The following NCAPD2 variants were observed in gnomAD, a reference collection of about 807,000 sequenced individuals.
The protein encoded by NCAPD2 is condensin complex subunit 1.
NCAPD2 carries 100 observed loss-of-function variants against 164.5 expected under a neutral mutation model. The ratio of observed to expected loss-of-function variants is 0.61; its 90% CI spans 0.52 to 0.72. NCAPD2 has a LOEUF of 0.72. Ranked by LOEUF, NCAPD2 falls within the 30% of genes least tolerant of loss-of-function variation. The pLI is 0.00. For missense variants in NCAPD2, 1,560 were observed against 1,749.2 expected (o/e 0.89, Z 1.93); for synonymous variants, 585 against 642.6 (o/e 0.91, Z 1.36).
At chr12:6,505,989 C>T (rs1417343580) in intron 2 of NCAPD2, among the ~76,000 whole-genome samples, 1 of 151,626 alleles carries the variant, frequency 6.6e-6, no homozygotes, top group Non-Finnish European at 1.5e-5. Flanking sequence ...TACATGGGGT[C>T]TCACTGTCAC....
chr12:6,507,372 C>T (rs147606816), intron 2 of NCAPD2, among the ~76,000 whole-genome samples: 2 of 152,328 alleles, frequency 1.3e-5, no homozygotes, highest in Non-Finnish European at 2.9e-5. Flanking sequence ...GAATAACACT[C>T]AAAATCCTAA....
chr12:6,507,217 T>G (rs769141956), intron 2 of NCAPD2, among the ~76,000 whole-genome samples: 6 of 152,196 alleles, frequency 3.9e-5, no homozygotes, highest in Non-Finnish European at 7.3e-5. Context: ...GCCCAAGCGA[T>G]TCTACTGCCT....
At chr12:6,520,193 T>A (rs56216299) in intron 13 of NCAPD2, among the ~76,000 whole-genome samples, 93,075 of 140,900 alleles carry the variant, frequency 0.66, 30,447 homozygotes, top group Admixed American at 0.7. Flanking sequence ...AAAAAAAAAA[T>A]ATATATATAT....
chr12:6,502,986 A>T (rs1016469840), intron 2 of NCAPD2, among the ~76,000 whole-genome samples: 3 of 146,024 alleles, frequency 2.1e-5, no homozygotes, highest in African/African-American at 7.6e-5. Context: ...CTGGGATTAC[A>T]GGCGCATGCC....
chr12:6,503,155 T>A (rs896046952), intron 2 of NCAPD2, among the ~76,000 whole-genome samples: 5 of 151,838 alleles, frequency 3.3e-5, no homozygotes, highest in African/African-American at 1.2e-4. Context: ...ACGTCTGGCC[T>A]ACAAAGGTTT....
chr12:6,527,060 G>A lies in NCAPD2; in HGVS notation c.2904G>A (p.Glu968=), dbSNP rs1259549154. 29 of 1,609,510 alleles carry A rather than the reference G, an allele frequency of 1.8e-5. No individual in the cohort carries two copies. Among genetic ancestry groups the A allele is most frequent in the Non-Finnish European group, 2.3e-5 (27 of 1,177,032 alleles). ...AGCACAAGACCAAAGATCCCAAGGA[G>A]AAGGTGTGTGAATGTCCTCAGCACT... is the stretch of plus-strand genomic sequence containing the variant. ...EQEHKTKDPK[E]KNTSSETTME... is the part of the protein sequence containing the mutation. Residue 968 remains glutamate (E), a synonymous_variant, in exon 22 of 32, where the codon GAG becomes GAA. Transcript: ENST00000315579.
chr12:6,498,253 G>A (rs1314802603), intron 2 of NCAPD2, among the ~76,000 whole-genome samples: 2 of 152,090 alleles, frequency 1.3e-5, no homozygotes, highest in Non-Finnish European at 2.9e-5. Flanking sequence ...TGATTTTGGT[G>A]TTTAGAATCC....
rs1403910458 is a variant in NCAPD2 at position 6,531,595 on chromosome 12, A to C, written c.*183A>C. ...CCAAGGCGGGTGGATAACCTGAGGT[A>C]GGGAGTTCGAGACCAGCCTGACCAA... On this transcript the variant is annotated 3_prime_UTR_variant, in exon 32 of 32. Coordinates refer to ENST00000315579, the MANE Select transcript of NCAPD2 (RefSeq NM_014865.4). The surrounding 1 kb of genome is among the most constrained non-coding windows in gnomAD (Gnocchi z 4.1). The C allele has an allele frequency of 8.0e-7, 1 of 1,243,520 alleles. No individual in the cohort carries two copies. The highest frequency in any genetic ancestry group is 1.1e-6 in the Non-Finnish European group (1 of 900,876). The allele number at this position is 1,243,520 out of a possible 1,614,324, so 77.0% of individuals were successfully genotyped here. A position where few individuals can be genotyped will look rare whatever the true frequency, so the allele number is the denominator to read the frequency against.
intron 1 of NCAPD2, among the ~76,000 whole-genome samples, chr12:6,494,427 A>G (rs575655612): frequency 6.6e-6 from 1 of 152,214 alleles, no homozygotes; most frequent in East Asian, 1.9e-4. Context: ...TCCGCTCTGT[A>G]AACTCATTTG....
rs552225344 is a variant in NCAPD2, at chr12:6,527,793, C to T, written c.2924C>T (p.Thr975Ile). Residue 975 changes from threonine (T) to isoleucine (I), a missense_variant, in exon 23 of 32, where the codon ACC (threonine) becomes ATC (isoleucine). Transcript: ENST00000315579. Reference sequence around the variant, plus strand: ...TCCCTTTAGAATACGAGCTCTGAGACCACCATGGAGGAGGAGCTGGGGCTG... The same window carrying T: ...TCCCTTTAGAATACGAGCTCTGAGATCACCATGGAGGAGGAGCTGGGGCTG... The part of the protein sequence containing the change: ...DPKEKNTSSE[T>I]TMEEELGLVG... 1.4e-4 allele frequency: 225 copies of T among 1,612,822 alleles called. 2 individuals carry two copies. In the South Asian group the frequency reaches 2.3e-3, roughly 17 times the overall value.
rs760254515 is a variant in NCAPD2 at position 6,530,821 on chromosome 12, C to T, written c.3964+4C>T. 16 of 1,614,078 alleles carry T rather than the reference C, an allele frequency of 9.9e-6. No homozygotes were observed. Among genetic ancestry groups the T allele is most frequent in the African/African-American group, 2.7e-5 (2 of 74,924 alleles). On this transcript the variant is annotated splice_donor_region_variant and intron_variant, in intron 30 of 31. Transcript: ENST00000315579. The stretch of plus-strand genomic sequence containing the variant: ...TCAGCCAAGAAACCATCCACTGGTA[C>T]GTAAGGCAGCCTGTGCGGGCGAGAC...
At chr12:6,529,385 G>C in intron 27 of NCAPD2, 128 bp from the exon 28 acceptor site, 1 of 841,592 alleles carries the variant, frequency 1.2e-6, no homozygotes, top group South Asian at 1.5e-5. Context: ...GGGGAGTGGT[G>C]AGGCAGACAG....
intron 6 of NCAPD2, among the ~76,000 whole-genome samples, chr12:6,513,517 A>G (rs896939648): frequency 1.3e-5 from 2 of 152,150 alleles, no homozygotes; most frequent in African/African-American, 2.4e-5. Flanking sequence ...CCTGTCTCAA[A>G]AAAAAGAGTC....
rs748640904 is a variant in NCAPD2 at position 6,511,188 on chromosome 12, C to G, written c.523C>G (p.Gln175Glu). 6.2e-7 allele frequency: 1 copy of G among 1,614,098 alleles called. No homozygotes were observed. Among genetic ancestry groups the G allele is most frequent in the Non-Finnish European group, 8.5e-7 (1 of 1,180,032 alleles). The part of the protein sequence containing the change: ...ERQPILQLLT[Q>E]LLQLDIRHLW... ...GCAACCAATTCTTCAGCTTTTAACA[C>G]AGCTACTTCAGTTGGACATCCGTCA... The change falls in exon 6 of 32, where the codon CAG becomes GAG. Residue 175 changes from glutamine (Q) to glutamate (E), a missense_variant. Gln to Glu is a conservative substitution (Grantham distance 29). Coordinates refer to ENST00000315579, the MANE Select transcript of NCAPD2 (RefSeq NM_014865.4).
rs146160064 is a variant in NCAPD2 at position 6,508,131 on chromosome 12, G to A, written c.128-1586G>A. Reference sequence around the variant, plus strand: ...GGATCATGAGATCAAGACCATCCTGGCTAACATGGTGCAACCCCGTCTCTA... The same window carrying A: ...GGATCATGAGATCAAGACCATCCTGACTAACATGGTGCAACCCCGTCTCTA... On this transcript the variant is annotated intron_variant, in intron 2 of 31. Transcript: ENST00000315579. Among the ~76,000 whole-genome samples, 145 of 152,270 alleles carry A rather than the reference G, an allele frequency of 9.5e-4. 1 individual carries two copies. The highest frequency in any genetic ancestry group is 3.3e-3 in the African/African-American group (136 of 41,552).
chr12:6,510,149 G>C lies in NCAPD2; in HGVS notation c.262+16G>C, dbSNP rs1386088436. 1.9e-6 allele frequency: 3 copies of C among 1,597,782 alleles called. No homozygotes were observed. Among genetic ancestry groups the C allele is most frequent in the East Asian group, 4.5e-5 (2 of 44,830 alleles). ...CTGATAAAAGGTGTTTATGGGTCAG[G>C]GGGTAGGGGATGGAAGGTGTTTGTT... On this transcript the variant is annotated intron_variant, in intron 4 of 31. Coordinates refer to ENST00000315579, the MANE Select transcript of NCAPD2 (RefSeq NM_014865.4).
intron 3 of NCAPD2, 102 bp downstream of exon 3, chr12:6,509,894 A>C: frequency 1.5e-6 from 2 of 1,310,508 alleles, no homozygotes; most frequent in Non-Finnish European, 2.2e-6. Context: ...TCACTGATAA[A>C]TGCCTCTGGA....
At chr12:6,504,509 T>C (rs1946080799) in intron 2 of NCAPD2, among the ~76,000 whole-genome samples, 1 of 151,856 alleles carries the variant, frequency 6.6e-6, no homozygotes, top group Non-Finnish European at 1.5e-5. Flanking sequence ...TTTCCGGCCT[T>C]AGCCTCCCAA....
At chr12:6,517,120 A>G in intron 10 of NCAPD2, 95 bp downstream of exon 10, 2 of 1,430,296 alleles carry the variant, frequency 1.4e-6, no homozygotes, top group South Asian at 2.4e-5. Flanking sequence ...TGCCCCAAAG[A>G]GGTCTAGAAT....
Sources: gnomAD v4.1 joint callset for allele counts (sites outside exome capture counted in the v4.1 genomes callset) on GRCh38, gnomAD v4.1.1 for gene constraint, Gnocchi (gnomAD v3.1) non-coding constraint, MANE v1.5 for transcripts, NCBI Gene and HGNC (gene_info 2026-07-23, HGNC 2026-07-21) for gene names.